The following PLPPR1 variants were observed in gnomAD, a reference collection of about 807,000 sequenced individuals.
The protein encoded by PLPPR1 is phospholipid phosphatase related 1, also known as phospholipid phosphatase-related protein type 1.
PLPPR1 carries 10 observed loss-of-function variants against 33.1 expected under a neutral mutation model. The ratio of observed to expected loss-of-function variants is 0.30; its 90% CI spans 0.19 to 0.51. The LOEUF (loss-of-function observed/expected upper bound fraction) is 0.51, where lower values mean the gene tolerates loss of function less well. Among genes scored for constraint, PLPPR1 ranks in the 20% least tolerant of loss-of-function variants. The pLI, the probability that PLPPR1 is intolerant of heterozygous loss-of-function variation, is 0.97. For missense variants in PLPPR1, 304 were observed against 408.1 expected (o/e 0.74, Z 2.20); for synonymous variants, 151 against 151.0 (o/e 1.00, Z 0.00).
intron 3 of PLPPR1, among the ~76,000 whole-genome samples, chr9:101,274,511 G>T (rs1488416632): frequency 8.5e-5 from 13 of 152,188 alleles, no homozygotes; most frequent in Non-Finnish European, 8.8e-5. Flanking sequence ...GCGTGGCCTT[G>T]CTACCCTGCT....
At chr9:101,064,231 C>G (rs1007245079) in intron 1 of PLPPR1, among the ~76,000 whole-genome samples, 3 of 152,030 alleles carry the variant, frequency 2.0e-5, no homozygotes, top group African/African-American at 7.2e-5. Flanking sequence ...TACCTGAAAA[C>G]TTAGTGGCTT....
intron 1 of PLPPR1, among the ~76,000 whole-genome samples, chr9:101,184,505 T>C (rs1397455111): frequency 6.6e-6 from 1 of 151,890 alleles, no homozygotes; most frequent in Non-Finnish European, 1.5e-5. Context: ...CTACAAGAAC[T>C]GTTGGTAGGG....
At chr9:101,064,566 C>T (rs919452490) in intron 1 of PLPPR1, among the ~76,000 whole-genome samples, 1 of 151,994 alleles carries the variant, frequency 6.6e-6, no homozygotes, top group African/African-American at 2.4e-5. Flanking sequence ...AGCAGGGCAT[C>T]CATTTTGCTG....
At chr9:101,041,223 A>G (rs1830074863) in intron 1 of PLPPR1, among the ~76,000 whole-genome samples, 1 of 152,192 alleles carries the variant, frequency 6.6e-6, no homozygotes, top group African/African-American at 2.4e-5. Flanking sequence ...ACCTTCCAAC[A>G]TTAAAGCTTT....
intron 3 of PLPPR1, among the ~76,000 whole-genome samples, chr9:101,284,244 T>C (rs1246499464): frequency 6.6e-6 from 1 of 152,130 alleles, no homozygotes; most frequent in Non-Finnish European, 1.5e-5. Flanking sequence ...CCTCAGTGTC[T>C]GGATTTAAAA....
intron 3 of PLPPR1, among the ~76,000 whole-genome samples, chr9:101,281,563 C>A (rs76729789): frequency 0.081 from 12,228 of 151,688 alleles, 954 homozygotes; most frequent in African/African-American, 0.21. Context: ...AAACAGACAC[C>A]TAAACCAATG....
intron 1 of PLPPR1, among the ~76,000 whole-genome samples, chr9:101,061,172 A>G (rs1292745178): frequency 6.6e-6 from 1 of 151,934 alleles, no homozygotes; most frequent in Non-Finnish European, 1.5e-5. Flanking sequence ...ATTACTCTGT[A>G]GTCTCACATA....
At chr9:101,236,053 G>A (rs559990215) in intron 2 of PLPPR1, among the ~76,000 whole-genome samples, 1 of 151,768 alleles carries the variant, frequency 6.6e-6, no homozygotes, top group South Asian at 2.1e-4. Flanking sequence ...TTGTCTTACT[G>A]TTTCTTCAGT....
intron 7 of PLPPR1, among the ~76,000 whole-genome samples, chr9:101,322,198 C>CAAAAAAAAAAAAA (rs57344415): frequency 2.2e-4 from 6 of 27,680 alleles, no homozygotes; most frequent in Admixed American, 7.2e-4. Context: ...GACTTCATCT[C>CAAAAAAAAAAAAA]AAAAAAAAAA....
At chr9:101,273,769 A>G (rs1828140055) in intron 3 of PLPPR1, among the ~76,000 whole-genome samples, 1 of 152,228 alleles carries the variant, frequency 6.6e-6, no homozygotes, top group South Asian at 2.1e-4. Flanking sequence ...CAAATTCTAC[A>G]TGAATGTATA....
intron 2 of PLPPR1, among the ~76,000 whole-genome samples, chr9:101,250,745 G>A (rs1265934233): frequency 6.6e-6 from 1 of 152,080 alleles, no homozygotes; most frequent in East Asian, 1.9e-4. Flanking sequence ...CTGTGAGTTA[G>A]ATAGAATCAC....
intron 2 of PLPPR1, among the ~76,000 whole-genome samples, chr9:101,191,744 C>T (rs542971384): frequency 7.9e-5 from 12 of 152,234 alleles, no homozygotes; most frequent in African/African-American, 2.9e-4. Context: ...AAAATTTTAC[C>T]GTGTTCTCTA....
chr9:101,189,040 CAAT>C (rs1170626161), intron 2 of PLPPR1, among the ~76,000 whole-genome samples: 3 of 151,998 alleles, frequency 2.0e-5, no homozygotes, highest in African/African-American at 7.2e-5. Context: ...GAAGAGATTC[CAAT>C]TCTGAAGAGA....
chr9:101,282,263 C>T (rs1828317892), intron 3 of PLPPR1, among the ~76,000 whole-genome samples: 2 of 152,054 alleles, frequency 1.3e-5, no homozygotes, highest in Admixed American at 6.6e-5. Flanking sequence ...GTTCAACATA[C>T]ACAAATCAAT....
At chr9:101,265,352 C>T (rs191230935) in intron 2 of PLPPR1, among the ~76,000 whole-genome samples, 9 of 152,316 alleles carry the variant, frequency 5.9e-5, no homozygotes, top group Admixed American at 5.2e-4. Flanking sequence ...TATACTCCCA[C>T]AGCCATAATT....
chr9:101,061,604 A>G (rs939102286), intron 1 of PLPPR1, among the ~76,000 whole-genome samples: 1 of 152,000 alleles, frequency 6.6e-6, no homozygotes, highest in Non-Finnish European at 1.5e-5. Context: ...CCAACCTAGT[A>G]AGATTCACTC....
At chr9:101,135,122 T>C (rs1295945096) in intron 1 of PLPPR1, among the ~76,000 whole-genome samples, 4 of 152,176 alleles carry the variant, frequency 2.6e-5, no homozygotes, top group African/African-American at 9.7e-5. Context: ...GGATTAGAGA[T>C]TACAAAGAAC....
chr9:101,065,449 G>A (rs1830399525), intron 1 of PLPPR1, among the ~76,000 whole-genome samples: 1 of 151,994 alleles, frequency 6.6e-6, no homozygotes, highest in African/African-American at 2.4e-5. Context: ...CAGAATAATT[G>A]GTCTTGGTTT....
intron 1 of PLPPR1, among the ~76,000 whole-genome samples, chr9:101,126,346 T>C (rs1158397392): frequency 6.6e-6 from 1 of 152,226 alleles, no homozygotes; most frequent in Non-Finnish European, 1.5e-5. Flanking sequence ...AGACCAGACC[T>C]TCTAAGCAAT....
Sources: allele counts gnomAD v4.1 joint callset (sites outside exome capture counted in the v4.1 genomes callset), GRCh38; gene constraint gnomAD v4.1.1; transcripts MANE v1.5; gene names NCBI Gene and HGNC (gene_info 2026-07-23, HGNC 2026-07-21).